The following SULT2B1 variants were observed in gnomAD, a reference collection of about 807,000 sequenced individuals.
SULT2B1 encodes the protein sulfotransferase family 2B member 1, also known as sulfotransferase 2B1.
Under a neutral mutation model 33.2 loss-of-function variants are expected in SULT2B1, and 16 were observed. The ratio of observed to expected loss-of-function variants is 0.48; its 90% CI spans 0.33 to 0.73. The LOEUF (loss-of-function observed/expected upper bound fraction) is 0.73, where lower values mean the gene tolerates loss of function less well. Among genes scored for constraint, SULT2B1 ranks in the 30% least tolerant of loss-of-function variants. The pLI is 0.02. For synonymous variants in SULT2B1, 186 were observed against 200.5 expected, an observed-to-expected ratio of 0.93 and a Z score of 0.61; for missense variants, 500 against 506.0, an observed-to-expected ratio of 0.99 and a Z score of 0.11.
chr19:48,554,878 C>G (rs538403199), intron 1 of SULT2B1, among the ~76,000 whole-genome samples: 1 of 151,866 alleles, frequency 6.6e-6, no homozygotes, highest in African/African-American at 2.4e-5. Flanking sequence ...TAGGGTCACA[C>G]AGCTGCCAAG....
chr19:48,579,955 G>A (rs1016996737), intron 2 of SULT2B1, among the ~76,000 whole-genome samples: 6 of 151,532 alleles, frequency 4.0e-5, no homozygotes, highest in South Asian at 2.1e-4. Flanking sequence ...GCAGGGTCTC[G>A]ATCTTTCGCT....
intron 1 of SULT2B1, among the ~76,000 whole-genome samples, chr19:48,568,717 C>G (rs1973277017): frequency 6.6e-6 from 1 of 152,172 alleles, no homozygotes; most frequent in Non-Finnish European, 1.5e-5. Context: ...TGGCAATGCT[C>G]TCTCTCCAAA....
intron 4 of SULT2B1, among the ~76,000 whole-genome samples, chr19:48,592,246 C>A (rs781461731): frequency 2.0e-5 from 3 of 151,902 alleles, no homozygotes; most frequent in Non-Finnish European, 4.4e-5. Context: ...GAGCCAAGAT[C>A]GTGCCACTGC....
chr19:48,576,984 T>A (rs971770864), intron 2 of SULT2B1, among the ~76,000 whole-genome samples: 17 of 151,460 alleles, frequency 1.1e-4, no homozygotes, highest in African/African-American at 4.1e-4. Flanking sequence ...AATTTGAGTG[T>A]TTGAGTTTGA....
chr19:48,552,362 G>A lies in SULT2B1; in HGVS notation c.71+39G>A. ...CTGGGCAGGAGCCAGGAGATCCCAGGGAGGAGGTGGCTGTTTGGGGGAGCC... is the reference window on the plus strand; with the variant it reads ...CTGGGCAGGAGCCAGGAGATCCCAGAGAGGAGGTGGCTGTTTGGGGGAGCC... On this transcript the variant is annotated intron_variant, in intron 1 of 6. Transcript: ENST00000201586. The surrounding 1 kb of genome is among the most constrained non-coding windows in gnomAD (Gnocchi z 4.8). 3 of 1,608,422 alleles carry A rather than the reference G, an allele frequency of 1.9e-6. No individual in the cohort carries two copies. Among genetic ancestry groups the A allele is most frequent in the South Asian group, 2.2e-5 (2 of 90,442 alleles).
In SULT2B1 at chr19:48,552,551, G is replaced by A. The variant is rs1973043448; in HGVS notation, c.71+228G>A. On this transcript the variant is annotated intron_variant, in intron 1 of 6. Coordinates refer to ENST00000201586, the MANE Select transcript of SULT2B1 (RefSeq NM_177973.2). This position sits in a 1 kb window ranked among gnomAD's most constrained non-coding sequence, Gnocchi z 4.8. Reference sequence around the variant, plus strand: ...GTTGAGTCACCAGTGGGGATGCCTGGGGTGTCCCTGTCGCTCTCCGGGCCT... The same window carrying A: ...GTTGAGTCACCAGTGGGGATGCCTGAGGTGTCCCTGTCGCTCTCCGGGCCT... Among the ~76,000 whole-genome samples the A allele has an allele frequency of 6.6e-6, 1 of 152,152 alleles. No individual in the cohort carries two copies. The highest frequency in any genetic ancestry group is 1.5e-5 in the Non-Finnish European group (1 of 68,020).
chr19:48,573,415 G>A (rs1437370787), intron 1 of SULT2B1, among the ~76,000 whole-genome samples: 3 of 152,082 alleles, frequency 2.0e-5, no homozygotes, highest in Admixed American at 6.6e-5. Flanking sequence ...CTACGTCCCA[G>A]GCGTAGAGAA....
intron 2 of SULT2B1, among the ~76,000 whole-genome samples, chr19:48,579,605 CTT>C (rs149157128): frequency 2.0e-4 from 16 of 79,732 alleles, no homozygotes; most frequent in African/African-American, 8.0e-4. Context: ...TTCTTTCTTT[CTT>C]TTTTTTTTTT....
At chr19:48,596,480 A>C (rs1973716470) in intron 5 of SULT2B1, 2 of 242,038 alleles carry the variant, frequency 8.3e-6, no homozygotes, top group East Asian at 1.4e-4. Flanking sequence ...CCCTGCTGTG[A>C]CCTCTGCCCC....
chr19:48,587,081 C>T lies in SULT2B1; in HGVS notation c.215-148C>T, dbSNP rs140213192. Reference sequence around the variant, plus strand: ...GAGCCGAGATCGCGCCATTGCACTCCAGCGTGGGCAACAGAGTAAGACTCT... The same window carrying T: ...GAGCCGAGATCGCGCCATTGCACTCTAGCGTGGGCAACAGAGTAAGACTCT... On this transcript the variant is annotated intron_variant, in intron 2 of 6. Transcript: ENST00000201586. 2,921 of 602,648 alleles carry T rather than the reference C, an allele frequency of 4.8e-3. 10 individuals are homozygous for T. Among genetic ancestry groups the T allele is most frequent in the Non-Finnish European group, 6.4e-3 (2,228 of 350,430 alleles). The allele number at this position is 602,648 out of a possible 1,614,324, so 37.3% of individuals were successfully genotyped here. A position where few individuals can be genotyped will look rare whatever the true frequency, so the allele number is the denominator to read the frequency against.
intron 1 of SULT2B1, among the ~76,000 whole-genome samples, chr19:48,568,576 G>A (rs1411225337): frequency 6.6e-6 from 1 of 152,186 alleles, no homozygotes; most frequent in African/African-American, 2.4e-5. Flanking sequence ...GCCCAGATGG[G>A]CTCCAAGTGA....
At chr19:48,567,391 G>A (rs2665603) in intron 1 of SULT2B1, among the ~76,000 whole-genome samples, 6 of 151,884 alleles carry the variant, frequency 4.0e-5, no homozygotes, top group South Asian at 2.1e-4. Context: ...GAGAAATCCC[G>A]TCTCTACTAA....
chr19:48,562,255 GCACATGC>G (rs1026652749), intron 1 of SULT2B1, among the ~76,000 whole-genome samples: 51 of 152,258 alleles, frequency 3.3e-4, no homozygotes, highest in Non-Finnish European at 5.9e-4. Context: ...AGGCGTGGTG[GCACATGC>G]CTGTAATCCC....
chr19:48,575,911 C>T lies in SULT2B1; in HGVS notation c.72-30C>T, dbSNP rs770139965. On this transcript the variant is annotated intron_variant, in intron 1 of 6. Coordinates refer to ENST00000201586, the MANE Select transcript of SULT2B1 (RefSeq NM_177973.2). ...CTCCAGCACCCACCTCCCTACTCTC[C>T]CTCATGGCGTCTCCCCCACCTTTCC... 7 of 1,600,652 alleles carry T rather than the reference C, an allele frequency of 4.4e-6. No individual in the cohort carries two copies. In the Admixed American group the frequency reaches 1.0e-4, roughly 23 times the overall value.
intron 2 of SULT2B1, among the ~76,000 whole-genome samples, chr19:48,584,045 G>A (rs1973530512): frequency 6.6e-6 from 1 of 152,096 alleles, no homozygotes; most frequent in Admixed American, 6.6e-5. Context: ...CCGGGAGGTG[G>A]AGGTTGCAGT....
intron 1 of SULT2B1, among the ~76,000 whole-genome samples, chr19:48,553,714 G>T (rs1034982196): frequency 6.6e-6 from 1 of 152,162 alleles, no homozygotes; most frequent in African/African-American, 2.4e-5. Flanking sequence ...CCAGAGACAG[G>T]AGCAGTTCAA....
intron 2 of SULT2B1, among the ~76,000 whole-genome samples, chr19:48,583,405 T>C (rs970398834): frequency 6.6e-6 from 1 of 152,236 alleles, no homozygotes; most frequent in African/African-American, 2.4e-5. Context: ...CCAATGTTCA[T>C]AGCCACATTA....
At chr19:48,589,347 C>T (rs1287625176) in intron 3 of SULT2B1, among the ~76,000 whole-genome samples, 1 of 152,050 alleles carries the variant, frequency 6.6e-6, no homozygotes, top group Non-Finnish European at 1.5e-5. Context: ...GAGGAAGACA[C>T]GGGCTCTGCG....
intron 1 of SULT2B1, among the ~76,000 whole-genome samples, chr19:48,568,834 GC>G (rs1176151001): frequency 6.6e-6 from 1 of 151,962 alleles, no homozygotes; most frequent in Non-Finnish European, 1.5e-5. Context: ...GCCGCTCAGG[GC>G]CCCCCAGCTC....
Sources: gnomAD v4.1 joint callset for allele counts (sites outside exome capture counted in the v4.1 genomes callset) on GRCh38, gnomAD v4.1.1 for gene constraint, Gnocchi (gnomAD v3.1) non-coding constraint, MANE v1.5 for transcripts, NCBI Gene and HGNC (gene_info 2026-07-23, HGNC 2026-07-21) for gene names.